The following TMEM132D variants were observed in gnomAD, a reference collection of about 807,000 sequenced individuals.
TMEM132D encodes the protein transmembrane protein 132D.
In TMEM132D, 21 loss-of-function variants were observed where a neutral mutation model predicts 62.3. The ratio of observed to expected loss-of-function variants is 0.34; its 90% CI spans 0.24 to 0.49. The LOEUF (loss-of-function observed/expected upper bound fraction) is 0.49, where lower values mean the gene tolerates loss of function less well. Among genes scored for constraint, TMEM132D ranks in the 20% least tolerant of loss-of-function variants. The probability of loss-of-function intolerance (pLI) is 0.99; values close to 1 mark genes in which losing one functional copy is unlikely to be tolerated. For missense variants in TMEM132D, 1,346 were observed against 1,402.8 expected, an observed-to-expected ratio of 0.96 and a Z score of 0.65; for synonymous variants, 621 against 575.6, an observed-to-expected ratio of 1.08 and a Z score of -1.13.
At chr12:129,092,555 G>C (rs866929919) in intron 5 of TMEM132D, among the ~76,000 whole-genome samples, 3 of 152,038 alleles carry the variant, frequency 2.0e-5, no homozygotes, top group Non-Finnish European at 4.4e-5. Flanking sequence ...AATTAGCCAG[G>C]CTTGGTGGCG....
intron 1 of TMEM132D, among the ~76,000 whole-genome samples, chr12:129,849,925 C>T (rs979918828): frequency 1.3e-5 from 2 of 152,220 alleles, no homozygotes; most frequent in Non-Finnish European, 2.9e-5. Context: ...CACACCACCT[C>T]AGCCTGCCTG....
chr12:129,618,491 T>C (rs1231208658), intron 2 of TMEM132D, among the ~76,000 whole-genome samples: 1 of 152,316 alleles, frequency 6.6e-6, no homozygotes, highest in East Asian at 1.9e-4. Flanking sequence ...AAACCTTTTC[T>C]GTAAAAGTTG....
intron 5 of TMEM132D, among the ~76,000 whole-genome samples, chr12:129,130,742 G>C (rs1876351808): frequency 6.6e-6 from 1 of 152,092 alleles, no homozygotes; most frequent in Non-Finnish European, 1.5e-5. Context: ...GAAATGCCAT[G>C]ACCTAGAGAA....
intron 2 of TMEM132D, among the ~76,000 whole-genome samples, chr12:129,638,199 C>T (rs1371791102): frequency 1.3e-5 from 2 of 152,168 alleles, no homozygotes; most frequent in African/African-American, 4.8e-5. Context: ...AGCCATGTGT[C>T]CTTACCCGTT....
At chr12:129,611,842 T>C (rs1878782667) in intron 2 of TMEM132D, among the ~76,000 whole-genome samples, 1 of 151,944 alleles carries the variant, frequency 6.6e-6, no homozygotes, top group Admixed American at 6.5e-5. Context: ...TGGATGAGCA[T>C]AAACCCTCAG....
intron 1 of TMEM132D, among the ~76,000 whole-genome samples, chr12:129,831,365 G>A (rs184646212): frequency 7.5e-4 from 115 of 152,318 alleles, no homozygotes; most frequent in African/African-American, 2.5e-3. Context: ...ACGCAAATGC[G>A]ATTGCGTGTG....
At chr12:129,418,636 G>T (rs1872202347) in intron 3 of TMEM132D, among the ~76,000 whole-genome samples, 1 of 152,102 alleles carries the variant, frequency 6.6e-6, no homozygotes, top group African/African-American at 2.4e-5. Flanking sequence ...TAGGTGATGG[G>T]TTGATGGGTG....
chr12:129,327,747 C>A (rs1045292504), intron 4 of TMEM132D, among the ~76,000 whole-genome samples: 1 of 152,182 alleles, frequency 6.6e-6, no homozygotes, highest in African/African-American at 2.4e-5. Flanking sequence ...CCAAAGGAGC[C>A]CCCAAATGGT....
intron 3 of TMEM132D, among the ~76,000 whole-genome samples, chr12:129,507,880 A>G (rs1008813255): frequency 3.3e-5 from 5 of 152,208 alleles, no homozygotes; most frequent in African/African-American, 1.2e-4. Flanking sequence ...TAAAAAATAG[A>G]AAGTCTATTG....
At chr12:129,102,990 A>G (rs1552423) in intron 5 of TMEM132D, among the ~76,000 whole-genome samples, 4,560 of 152,286 alleles carry the variant, frequency 0.03, 330 homozygotes, top group East Asian at 0.19. Context: ...TAGAAATGAG[A>G]CACAGGAGGC....
intron 1 of TMEM132D, among the ~76,000 whole-genome samples, chr12:129,819,585 G>A (rs749114306): frequency 4.6e-5 from 7 of 152,020 alleles, no homozygotes; most frequent in Non-Finnish European, 8.8e-5. Flanking sequence ...CCCTGACCTT[G>A]AGTCACACTT....
intron 1 of TMEM132D, among the ~76,000 whole-genome samples, chr12:129,759,500 A>T (rs768564173): frequency 1.3e-5 from 2 of 152,178 alleles, no homozygotes; most frequent in Non-Finnish European, 2.9e-5. Context: ...TCACCATGGG[A>T]AGATAGGCAG....
intron 5 of TMEM132D, among the ~76,000 whole-genome samples, chr12:129,185,009 T>C: frequency 6.6e-6 from 1 of 152,168 alleles, no homozygotes; most frequent in East Asian, 1.9e-4. Context: ...GTGGAAATTA[T>C]TTCACTAAAT....
intron 5 of TMEM132D, among the ~76,000 whole-genome samples, chr12:129,207,309 A>G (rs1195491342): frequency 6.6e-6 from 1 of 152,044 alleles, no homozygotes; most frequent in Non-Finnish European, 1.5e-5. Context: ...CGATGAATAC[A>G]GCACCGCCCT....
intron 3 of TMEM132D, among the ~76,000 whole-genome samples, chr12:129,460,945 C>G (rs1593019615): frequency 6.6e-6 from 1 of 152,286 alleles, no homozygotes; most frequent in African/African-American, 2.4e-5. Context: ...AAATGTGTGA[C>G]TGCACATCAC....
At chr12:129,236,066 C>G (rs909478969) in intron 4 of TMEM132D, among the ~76,000 whole-genome samples, 2 of 149,018 alleles carry the variant, frequency 1.3e-5, no homozygotes, top group African/African-American at 2.5e-5. Context: ...TTTTCAACTC[C>G]TTAAGTTTAT....
intron 2 of TMEM132D, among the ~76,000 whole-genome samples, chr12:129,583,021 A>G (rs1430782687): frequency 2.6e-5 from 4 of 151,730 alleles, no homozygotes; most frequent in Admixed American, 6.6e-5. Context: ...TATTGGCCAG[A>G]CTGGTCTTGA....
chr12:129,390,220 G>A lies in TMEM132D; in HGVS notation c.1116-52403C>T, dbSNP rs557930083. ...GCCCACGGGCCAGTTCGGGTCCTCC[G>A]TCTTTTTTTGTGCCTGAAGTTCTAT... is the stretch of plus-strand genomic sequence containing the variant. On this transcript the variant is annotated intron_variant, in intron 3 of 8. Transcript: ENST00000422113. 9.8e-4 allele frequency among the ~76,000 whole-genome samples: 150 copies of A among 152,310 alleles called. 1 individual carries two copies. Among genetic ancestry groups the A allele is most frequent in the Non-Finnish European group, 4.7e-4 (32 of 68,026 alleles).
At chr12:129,824,922 A>G (rs548212427) in intron 1 of TMEM132D, among the ~76,000 whole-genome samples, 1 of 152,046 alleles carries the variant, frequency 6.6e-6, no homozygotes, top group African/African-American at 2.4e-5. Context: ...TCCTTAAGGG[A>G]TGGCCCCTGG....
Sources: gnomAD v4.1 joint callset for allele counts (sites outside exome capture counted in the v4.1 genomes callset) on GRCh38, gnomAD v4.1.1 for gene constraint, MANE v1.5 for transcripts, NCBI Gene and HGNC (gene_info 2026-07-23, HGNC 2026-07-21) for gene names.